NELL1: variants seen among roughly 807,000 people sequenced by gnomAD.
NELL1 encodes the protein neural EGFL like 1.
In NELL1, 76 loss-of-function variants were observed where a neutral mutation model predicts 107.4. The observed-to-expected ratio is 0.71, with a 90% CI of 0.59 to 0.86. NELL1 has a LOEUF of 0.86. NELL1 is among the 40% of genes least tolerant of loss of function. The pLI, the probability that NELL1 is intolerant of heterozygous loss-of-function variation, is 0.00. For missense variants in NELL1, 1,024 were observed against 1,005.5 expected (o/e 1.02, Z -0.25); for synonymous variants, 353 against 341.2 (o/e 1.03, Z -0.38).
At chr11:21,028,641 TCTAC>T (rs1286378811) in intron 12 of NELL1, among the ~76,000 whole-genome samples, 2 of 152,192 alleles carry the variant, frequency 1.3e-5, no homozygotes, top group African/African-American at 4.8e-5. Context: ...CCATGCTCTC[TCTAC>T]CTCTTTCTTT....
intron 13 of NELL1, among the ~76,000 whole-genome samples, chr11:21,116,745 C>G (rs1855244910): frequency 6.6e-6 from 1 of 151,998 alleles, no homozygotes; most frequent in African/African-American, 2.4e-5. Flanking sequence ...TGTCCTAAGT[C>G]CATCCACTTC....
intron 14 of NELL1, among the ~76,000 whole-genome samples, chr11:21,296,426 G>GTA (rs112258805): frequency 0.042 from 6,286 of 150,980 alleles, 257 homozygotes; most frequent in African/African-American, 0.11. Context: ...TGCATTATAT[G>GTA]TATATATATA....
chr11:21,539,017 A>G lies in NELL1; in HGVS notation c.1786+4503A>G, dbSNP rs569830477. ...TTTCCCTGACTATCCCCATAGCCCC[A>G]TTTCCATTAGTTAAAATCCTGATGA... On this transcript the variant is annotated intron_variant, in intron 16 of 19. Transcript: ENST00000357134. Among the ~76,000 whole-genome samples, 26 of 152,034 alleles carry G rather than the reference A, an allele frequency of 1.7e-4. No homozygotes were observed. In the South Asian group the frequency reaches 5.2e-3, roughly 30 times the overall value.
chr11:21,165,417 A>G (rs1242937473), intron 13 of NELL1, among the ~76,000 whole-genome samples: 1 of 152,204 alleles, frequency 6.6e-6, no homozygotes, highest in Non-Finnish European at 1.5e-5. Context: ...AGGCAACTTG[A>G]CAATTCTGCC....
At chr11:21,022,208 C>T (rs965910287) in intron 12 of NELL1, among the ~76,000 whole-genome samples, 1 of 152,082 alleles carries the variant, frequency 6.6e-6, no homozygotes, top group Non-Finnish European at 1.5e-5. Context: ...AAATTGTATG[C>T]TGGACCATGT....
chr11:21,096,156 C>CT (rs2133696640), intron 12 of NELL1, among the ~76,000 whole-genome samples: 1 of 152,270 alleles, frequency 6.6e-6, no homozygotes, highest in South Asian at 2.1e-4. Flanking sequence ...ATCACCAGGC[C>CT]TTTTTATGAC....
chr11:20,743,052 T>G (rs1477498447), intron 2 of NELL1, among the ~76,000 whole-genome samples: 3 of 152,152 alleles, frequency 2.0e-5, no homozygotes, highest in Non-Finnish European at 4.4e-5. Context: ...TTGTAGAAAC[T>G]ATTAAATCCA....
At chr11:21,061,946 T>C (rs1853752349) in intron 12 of NELL1, among the ~76,000 whole-genome samples, 3 of 152,206 alleles carry the variant, frequency 2.0e-5, no homozygotes, top group Admixed American at 6.5e-5. Flanking sequence ...TTAGTCTTTC[T>C]ATTCTCTCTC....
chr11:20,802,799 A>G (rs1857305724), intron 3 of NELL1, among the ~76,000 whole-genome samples: 1 of 152,178 alleles, frequency 6.6e-6, no homozygotes, highest in Non-Finnish European at 1.5e-5. Flanking sequence ...ATTTGATCAA[A>G]TTATTTTCAG....
chr11:20,748,029 TAA>T (rs1348580729), intron 2 of NELL1, among the ~76,000 whole-genome samples: 1 of 152,214 alleles, frequency 6.6e-6, no homozygotes, highest in Non-Finnish European at 1.5e-5. Flanking sequence ...TTGCCATAGC[TAA>T]AGAGGGGTGA....
Position 20,676,466 on chromosome 11 carries a change from A to G in NELL1, c.56-1466A>G, listed in dbSNP as rs143444569. On this transcript the variant is annotated intron_variant, in intron 1 of 19. Transcript: ENST00000357134. Reference sequence around the variant, plus strand: ...TGAATGCAGAGTGAATGGAAGGAAGACATCTTTGGGTCAACTGGAAGGGGA... The same window carrying G: ...TGAATGCAGAGTGAATGGAAGGAAGGCATCTTTGGGTCAACTGGAAGGGGA... Among the ~76,000 whole-genome samples the G allele has an allele frequency of 9.5e-3, 1,443 of 152,248 alleles. 24 individuals carry two copies. Among genetic ancestry groups the G allele is most frequent in the Admixed American group, 0.035 (536 of 15,300 alleles).
chr11:21,019,094 A>G (rs1852638134), intron 12 of NELL1, among the ~76,000 whole-genome samples: 1 of 152,108 alleles, frequency 6.6e-6, no homozygotes, highest in Non-Finnish European at 1.5e-5. Context: ...CTTGAGCTCT[A>G]GCTCTAACAT....
At chr11:21,224,286 A>C (rs912573497) in intron 13 of NELL1, among the ~76,000 whole-genome samples, 6 of 152,040 alleles carry the variant, frequency 3.9e-5, no homozygotes, top group African/African-American at 1.4e-4. Context: ...TCTATCGCCC[A>C]AGCTGGAGTG....
At chr11:21,038,317 T>C (rs571398894) in intron 12 of NELL1, among the ~76,000 whole-genome samples, 1 of 152,306 alleles carries the variant, frequency 6.6e-6, no homozygotes, top group Admixed American at 6.5e-5. Context: ...GTGTTTTTGG[T>C]TGTATTTGGA....
intron 13 of NELL1, among the ~76,000 whole-genome samples, chr11:21,147,060 A>G (rs995473486): frequency 7.2e-5 from 11 of 152,198 alleles, no homozygotes; most frequent in African/African-American, 2.2e-4. Flanking sequence ...AGAGTAAAGT[A>G]TCACTTCTCA....
rs1242919572 is a variant in NELL1, at chr11:21,331,207, C to T, written c.1550-39646C>T. Among the ~76,000 whole-genome samples the T allele has an allele frequency of 2.0e-5, 3 of 152,108 alleles. No homozygotes were observed. The East Asian group carries it at 5.8e-4, about 29-fold the overall frequency. ...TTTGTCATGTTCATATCTAGTCCTT[C>T]TCATGGCACCTCTTGTTGTCTGCTT... On this transcript the variant is annotated intron_variant, in intron 14 of 19. Coordinates refer to ENST00000357134, the MANE Select transcript of NELL1 (RefSeq NM_006157.5).
intron 14 of NELL1, among the ~76,000 whole-genome samples, chr11:21,257,660 A>G (rs998857425): frequency 6.6e-6 from 1 of 151,986 alleles, no homozygotes; most frequent in African/African-American, 2.4e-5. Flanking sequence ...CATGGCCAGT[A>G]TGCTGGACTG....
intron 12 of NELL1, among the ~76,000 whole-genome samples, chr11:21,105,872 T>TCTCCTCTCTCCTC (rs71454446): frequency 3.0e-5 from 1 of 33,886 alleles, no homozygotes; most frequent in Non-Finnish European, 4.9e-5. Flanking sequence ...CCCCCTCCCC[T>TCTCCTCTCTCCTC]TCCTCTCTCC....
intron 17 of NELL1, among the ~76,000 whole-genome samples, chr11:21,567,045 A>G (rs1322096086): frequency 2.0e-5 from 3 of 151,798 alleles, no homozygotes; most frequent in African/African-American, 4.8e-5. Flanking sequence ...ATTCTTATTG[A>G]GTCTCATAGC....
Sources: allele counts gnomAD v4.1 joint callset (sites outside exome capture counted in the v4.1 genomes callset), GRCh38; gene constraint gnomAD v4.1.1; transcripts MANE v1.5; gene names NCBI Gene and HGNC (gene_info 2026-07-23, HGNC 2026-07-21).